The following RANBP2 variants were observed in gnomAD, a reference collection of about 807,000 sequenced individuals.
The protein encoded by RANBP2 is E3 SUMO-protein ligase RanBP2.
RANBP2 carries 57 observed loss-of-function variants against 303.6 expected under a neutral mutation model. The ratio of observed to expected loss-of-function variants is 0.19; its 90% CI spans 0.15 to 0.23. RANBP2 has a LOEUF of 0.23. Ranked by LOEUF, RANBP2 falls within the 10% of genes least tolerant of loss-of-function variation. The pLI, the probability that RANBP2 is intolerant of heterozygous loss-of-function variation, is 1.00. For missense variants in RANBP2, 3,138 were observed against 3,780.8 expected, an observed-to-expected ratio of 0.83 and a Z score of 4.46; for synonymous variants, 1,167 against 1,301.5, an observed-to-expected ratio of 0.90 and a Z score of 2.23.
At chr2:109,599,476 A>G in the RANBP2 span, among the ~76,000 whole-genome samples, 64 of 151,752 alleles carry the variant, frequency 4.2e-4, no homozygotes, top group African/African-American at 1.5e-3. Context: ...AAAAAAAAAA[A>G]AGAACTCAAG....
chr2:109,307,460 A>G, the RANBP2 span, among the ~76,000 whole-genome samples: 5 of 150,566 alleles, frequency 3.3e-5, no homozygotes, highest in African/African-American at 9.9e-5. Context: ...TTTAGGGTAC[A>G]TGTGCACATT....
At chr2:108,807,496 T>C in the RANBP2 span, among the ~76,000 whole-genome samples, 5 of 152,224 alleles carry the variant, frequency 3.3e-5, no homozygotes, top group African/African-American at 1.2e-4. Context: ...ATCATCTCTT[T>C]GTATTGGAAA....
the RANBP2 span, among the ~76,000 whole-genome samples, chr2:109,261,198 C>T: frequency 1.3e-5 from 2 of 152,050 alleles, no homozygotes; most frequent in African/African-American, 4.8e-5. Context: ...GGTCAGGGCC[C>T]TTTGTAGTTG....
At chr2:109,433,448 G>A in the RANBP2 span, among the ~76,000 whole-genome samples, 1 of 152,246 alleles carries the variant, frequency 6.6e-6, no homozygotes, top group Non-Finnish European at 1.5e-5. Flanking sequence ...TCGCTGAGAT[G>A]AGGATCCACA....
chr2:109,678,429 C>A, the RANBP2 span, among the ~76,000 whole-genome samples: 1 of 152,188 alleles, frequency 6.6e-6, no homozygotes, highest in African/African-American at 2.4e-5. Flanking sequence ...CTCCCCACAC[C>A]CCTCCTGCAT....
At chr2:108,793,585 CTT>C in the RANBP2 span, among the ~76,000 whole-genome samples, 20 of 151,148 alleles carry the variant, frequency 1.3e-4, no homozygotes, top group Admixed American at 5.3e-4. Flanking sequence ...CCTCAGGAAA[CTT>C]TTTTTTGTTT....
chr2:109,078,100 A>ATATATATATATATAGCGTG, the RANBP2 span, among the ~76,000 whole-genome samples: 66 of 69,994 alleles, frequency 9.4e-4, 3 homozygotes, highest in African/African-American at 2.7e-3. Context: ...ATATATATAT[A>ATATATATATATATAGCGTG]TATATATATA....
the RANBP2 span, among the ~76,000 whole-genome samples, chr2:109,216,674 T>C: frequency 6.6e-6 from 1 of 152,260 alleles, no homozygotes; most frequent in Non-Finnish European, 1.5e-5. Context: ...CTGCCCTCTC[T>C]AGCCAGTGCC....
the RANBP2 span, chr2:108,930,089 G>A: frequency 1.1e-5 from 18 of 1,602,294 alleles, no homozygotes; most frequent in Middle Eastern, 1.7e-4. Context: ...CCCTGAGAGC[G>A]CACCAGGCTC....
chr2:109,682,372 G>A, the RANBP2 span, among the ~76,000 whole-genome samples: 43,361 of 152,036 alleles, frequency 0.29, 7,295 homozygotes, highest in African/African-American at 0.46. Context: ...ATTCAGACAT[G>A]GCTGGATACT....
chr2:109,535,936 T>A, the RANBP2 span, among the ~76,000 whole-genome samples: 2 of 151,604 alleles, frequency 1.3e-5, no homozygotes, highest in Admixed American at 6.6e-5. Context: ...TTCCATGTGG[T>A]GTTGAACTTG....
chr2:109,697,165 G>A, the RANBP2 span, among the ~76,000 whole-genome samples: 3 of 152,032 alleles, frequency 2.0e-5, no homozygotes, highest in South Asian at 6.2e-4. Context: ...TTTATCCCTA[G>A]GCATTTCATA....
chr2:108,742,820 A>G (rs1255563524), intron 7 of RANBP2, among the ~76,000 whole-genome samples: 1 of 151,822 alleles, frequency 6.6e-6, no homozygotes, highest in Non-Finnish European at 1.5e-5. Flanking sequence ...ACGGAGTCTC[A>G]CTCTGTTGCC....
At chr2:109,257,309 A>AGGAAGAG in the RANBP2 span, among the ~76,000 whole-genome samples, 5,734 of 149,818 alleles carry the variant, frequency 0.038, 361 homozygotes, top group African/African-American at 0.13. Flanking sequence ...TGTGGGCTTA[A>AGGAAGAG]GGAAGAGGGA....
At chr2:109,378,736 C>A in the RANBP2 span, among the ~76,000 whole-genome samples, 4 of 152,202 alleles carry the variant, frequency 2.6e-5, no homozygotes, top group Non-Finnish European at 5.9e-5. Context: ...CTATAACCTT[C>A]TCTACTCCAT....
intron 8 of RANBP2, among the ~76,000 whole-genome samples, chr2:108,747,344 G>A (rs2557921): frequency 8.5e-4 from 129 of 151,552 alleles, no homozygotes; most frequent in African/African-American, 2.7e-3. Flanking sequence ...AGGTAGTTAG[G>A]TGGCCATTGA....
At chr2:109,710,690 T>C in the RANBP2 span, among the ~76,000 whole-genome samples, 3 of 152,134 alleles carry the variant, frequency 2.0e-5, no homozygotes, top group African/African-American at 7.2e-5. Flanking sequence ...TCTGGTGAGT[T>C]CTACCTTCAA....
chr2:109,500,020 C>A, the RANBP2 span, among the ~76,000 whole-genome samples: 2 of 152,032 alleles, frequency 1.3e-5, no homozygotes, highest in African/African-American at 4.8e-5. Flanking sequence ...GCGGGTGGTC[C>A]GTGTGAACAC....
chr2:109,552,926 A>G, the RANBP2 span: 1 of 777,074 alleles, frequency 1.3e-6, no homozygotes, highest in Non-Finnish European at 2.0e-6. Context: ...ATTTCAGGCT[A>G]TGATTCTAAG....
Sources: allele counts gnomAD v4.1 joint callset (sites outside exome capture counted in the v4.1 genomes callset), GRCh38; gene constraint gnomAD v4.1.1; transcripts MANE v1.5; gene names NCBI Gene and HGNC (gene_info 2026-07-23, HGNC 2026-07-21).